Variants in NCOA3 observed in about 807,000 individuals in gnomAD.
NCOA3 encodes the protein CBP-interacting protein.
A neutral mutation model predicts 158.8 loss-of-function variants in NCOA3; 51 were observed. That is an observed-to-expected ratio of 0.32 (90% confidence interval 0.26 to 0.41). The LOEUF is 0.41. Among genes scored for constraint, NCOA3 ranks in the 10% least tolerant of loss-of-function variants. The probability of loss-of-function intolerance (pLI) is 1.00; values close to 1 mark genes in which losing one functional copy is unlikely to be tolerated. For missense variants in NCOA3, 1,510 were observed against 1,746.6 expected, an observed-to-expected ratio of 0.86 and a Z score of 2.41; for synonymous variants, 537 against 592.4, an observed-to-expected ratio of 0.91 and a Z score of 1.36.
intron 2 of NCOA3, among the ~76,000 whole-genome samples, chr20:47,611,974 G>A (rs983476545): frequency 2.6e-5 from 4 of 152,042 alleles, no homozygotes; most frequent in South Asian, 4.1e-4. Context: ...ACAGGTGTGC[G>A]TCACCACGCT....
At chr20:47,565,496 C>T (rs893039149) in intron 1 of NCOA3, among the ~76,000 whole-genome samples, 13 of 152,262 alleles carry the variant, frequency 8.5e-5, no homozygotes, top group African/African-American at 2.4e-4. Context: ...GGGCAGATCG[C>T]GTGAGCCCAG....
intron 1 of NCOA3, among the ~76,000 whole-genome samples, chr20:47,514,161 T>C (rs1437450697): frequency 2.0e-5 from 3 of 152,120 alleles, no homozygotes; most frequent in African/African-American, 2.4e-5. Context: ...CATTTTCTTT[T>C]TTTTTTCTAG....
chr20:47,522,306 G>C (rs938389440), intron 1 of NCOA3, among the ~76,000 whole-genome samples: 4 of 151,238 alleles, frequency 2.6e-5, no homozygotes, highest in Middle Eastern at 7.0e-3. Flanking sequence ...GTTTCACCAT[G>C]TTAGCCAGGA....
At chr20:47,614,209 A>AT (rs1227388200) in intron 2 of NCOA3, among the ~76,000 whole-genome samples, 1 of 152,200 alleles carries the variant, frequency 6.6e-6, no homozygotes, top group East Asian at 1.9e-4. Flanking sequence ...AAGAAAGAAG[A>AT]TTAAGAAACT....
At position 47,652,558 on chromosome 20, in the gene NCOA3, T is replaced by G; in HGVS notation, c.4099T>G (p.Ser1367Ala). 1.2e-6 allele frequency: 2 copies of G among 1,609,336 alleles called. No homozygotes were observed. Among genetic ancestry groups the G allele is most frequent in the South Asian group, 2.2e-5 (2 of 90,986 alleles). ...YQSSEMKGWP[S>A]GNLARNSSFS... ...GTCCTCAGAAATGAAGGGCTGGCCA[T>G]CAGGAAATTTGGCCAGGAACAGGTA... The change falls in exon 21 of 23, where the codon TCA becomes GCA. Residue 1367 changes from serine (S) to alanine (A), a missense_variant. Transcript: ENST00000371998.
In NCOA3 at chr20:47,570,984, A is replaced by ATG. The variant is rs74178747; in HGVS notation, c.-98-12181_-98-12180dup. ...CACACACACACAAGTATATACATAT[A>ATG]TGTGTGTGTGTGTGTGTGTATATAC... On this transcript the variant is annotated intron_variant, in intron 1 of 22. Coordinates refer to ENST00000371998, the MANE Select transcript of NCOA3 (RefSeq NM_181659.3). Among the ~76,000 whole-genome samples, 1,183 of 120,826 alleles carry ATG rather than the reference A, an allele frequency of 9.8e-3. 23 individuals carry two copies. The highest frequency in any genetic ancestry group is 0.031 in the African/African-American group (951 of 30,226). 79.3% of individuals were successfully genotyped at this position (120,826 alleles called of 152,430 possible).
At chr20:47,618,164 G>C (rs2086170281) in intron 2 of NCOA3, among the ~76,000 whole-genome samples, 2 of 152,112 alleles carry the variant, frequency 1.3e-5, no homozygotes, top group South Asian at 4.1e-4. Context: ...GAACCCGGGA[G>C]GCGGAGGTTG....
intron 1 of NCOA3, among the ~76,000 whole-genome samples, chr20:47,579,567 A>G (rs2085420764): frequency 6.6e-6 from 1 of 152,228 alleles, no homozygotes; most frequent in African/African-American, 2.4e-5. Context: ...ATTTACTAAC[A>G]GTTCTATACT....
chr20:47,595,264 A>G (rs2085734477), intron 2 of NCOA3, among the ~76,000 whole-genome samples: 2 of 151,380 alleles, frequency 1.3e-5, no homozygotes, highest in South Asian at 4.2e-4. Context: ...ATGCCCAGCT[A>G]ATTTTTTATT....
chr20:47,639,673 CA>C lies in NCOA3; in HGVS notation c.2807del (p.Asn936ThrfsTer49), dbSNP rs1194727197. On this transcript the variant is annotated frameshift_variant, in exon 15 of 23. Coordinates refer to ENST00000371998, the MANE Select transcript of NCOA3 (RefSeq NM_181659.3). LOFTEE classifies it high-confidence loss of function. ...GCCGGCAGAATGGAACCTATGAATTCAAACTCCATGGGAAGACCAGGAGGAG... is the reference window on the plus strand; with the variant it reads ...GCCGGCAGAATGGAACCTATGAATTCAACTCCATGGGAAGACCAGGAGGAG... Reference protein sequence around the residue: ...SKAGRMEPMNSNSMGRPGGDY... With the variant: ...SKAGRMEPMNXNSMGRPGGDY... 1 of 1,613,956 alleles carries C rather than the reference CA, an allele frequency of 6.2e-7. No individual in the cohort carries two copies. Among genetic ancestry groups the C allele is most frequent in the Non-Finnish European group, 8.5e-7 (1 of 1,179,992 alleles).
At chr20:47,649,853 G>T (rs373068511) in intron 19 of NCOA3, among the ~76,000 whole-genome samples, 1 of 152,046 alleles carries the variant, frequency 6.6e-6, no homozygotes, top group Admixed American at 6.6e-5. Flanking sequence ...CCCGTAGCTA[G>T]TAGAGCTGAA....
At chr20:47,549,560 CA>C (rs763889456) in intron 1 of NCOA3, among the ~76,000 whole-genome samples, 6,047 of 55,154 alleles carry the variant, frequency 0.11, 113 homozygotes, top group African/African-American at 0.19. Context: ...GACTCTGTCT[CA>C]AAAAAAAAAA....
chr20:47,509,181 G>A (rs1472358851), intron 1 of NCOA3, among the ~76,000 whole-genome samples: 1 of 152,078 alleles, frequency 6.6e-6, no homozygotes, highest in Non-Finnish European at 1.5e-5. Context: ...TTGAGCCCAG[G>A]AATTTGAGAC....
In NCOA3 at chr20:47,625,527, G is replaced by A. The variant is rs1341069941; in HGVS notation, c.357+46G>A. ...TGTCCAGTAGGCTGTATTGCCCTTT[G>A]GTTTATTATAAAGTTATAAAAAATC... is the stretch of plus-strand genomic sequence containing the variant. On this transcript the variant is annotated intron_variant, in intron 5 of 22. Coordinates refer to ENST00000371998, the MANE Select transcript of NCOA3 (RefSeq NM_181659.3). The A allele has an allele frequency of 7.8e-6, 10 of 1,277,542 alleles. No individual in the cohort carries two copies. The Admixed American group carries it at 2.0e-4, about 25-fold the overall frequency. 79.1% of individuals were successfully genotyped at this position (1,277,542 alleles called of 1,614,324 possible). A position where few individuals can be genotyped will look rare whatever the true frequency, so the allele number is the denominator to read the frequency against.
In NCOA3 at chr20:47,635,664, T is replaced by C. The variant is rs779706891; in HGVS notation, c.1455T>C (p.Arg485=). 10 of 1,614,062 alleles carry C rather than the reference T, an allele frequency of 6.2e-6. No homozygotes were observed. Among genetic ancestry groups the C allele is most frequent in the Non-Finnish European group, 7.6e-6 (9 of 1,180,014 alleles). Residue 485 remains arginine, a synonymous_variant, in exon 11 of 23, where the codon CGT becomes CGC. Transcript: ENST00000371998. ...PNQQNIMISP[R]NRGSPKIASH... ...AGCAGAATATCATGATTTCTCCTCG[T>C]AATCGTGGGAGTCCAAAGATAGCCT... is the stretch of plus-strand genomic sequence containing the variant.
intron 8 of NCOA3, among the ~76,000 whole-genome samples, chr20:47,631,976 C>T (rs1438829076): frequency 6.6e-6 from 1 of 152,132 alleles, no homozygotes; most frequent in Non-Finnish European, 1.5e-5. Flanking sequence ...AGCTGGGTGC[C>T]CTACAATTTT....
At chr20:47,563,702 CGTGG>C (rs1480793978) in intron 1 of NCOA3, among the ~76,000 whole-genome samples, 1 of 151,796 alleles carries the variant, frequency 6.6e-6, no homozygotes, top group African/African-American at 2.4e-5. Flanking sequence ...GCCTGACCAA[CGTGG>C]TGAAATGCCA....
intron 1 of NCOA3, among the ~76,000 whole-genome samples, chr20:47,576,675 G>C (rs556387636): frequency 2.0e-5 from 3 of 152,208 alleles, no homozygotes; most frequent in Non-Finnish European, 4.4e-5. Context: ...AATCCTGGTA[G>C]CCAATGAGTT....
chr20:47,607,533 A>G (rs1255140107), intron 2 of NCOA3, among the ~76,000 whole-genome samples: 2 of 152,194 alleles, frequency 1.3e-5, no homozygotes, highest in Admixed American at 6.5e-5. Flanking sequence ...CTGAATTCTA[A>G]GCCACCTCTT....
Sources: gnomAD v4.1 joint callset for allele counts (sites outside exome capture counted in the v4.1 genomes callset) on GRCh38, gnomAD v4.1.1 for gene constraint, MANE v1.5 for transcripts, NCBI Gene and HGNC (gene_info 2026-07-23, HGNC 2026-07-21) for gene names.